The following CNNM2 variants were observed in gnomAD, a reference collection of about 807,000 sequenced individuals.
CNNM2 encodes cyclin and CBS domain divalent metal cation transport mediator 2.
A neutral mutation model predicts 66.9 loss-of-function variants in CNNM2; 12 were observed. The observed-to-expected ratio is 0.18, with a 90% confidence interval of 0.11 to 0.29. The LOEUF (loss-of-function observed/expected upper bound fraction) is 0.29. CNNM2 is among the 10% of genes least tolerant of loss of function. CNNM2 has a pLI of 1.00. For synonymous variants in CNNM2, 557 were observed against 501.8 expected, an observed-to-expected ratio of 1.11 and a Z score of -1.47; for missense variants, 705 against 1,167.7, an observed-to-expected ratio of 0.60 and a Z score of 5.77.
rs371599593 is a variant in CNNM2 at position 102,919,395 on chromosome 10, C to T, written c.915C>T (p.Ile305=). The T allele has an allele frequency of 6.2e-7, 1 of 1,611,674 alleles. No homozygotes were observed. The stretch of plus-strand genomic sequence containing the variant: ...AGGAGAAGAATTACGCCAAGCGCAT[C>T]GAGCCGGTGCGCAGGCAGGGCAACT... ...TEKEKNYAKR[I]EPVRRQGNYL... Residue 305 remains isoleucine (I), a synonymous_variant, in exon 1 of 8, where the codon ATC becomes ATT. Transcript: ENST00000369878.
rs759461748 is a variant in CNNM2 at position 103,077,202 on chromosome 10, C to T, written c.*22C>T. ...CTAGGCCGCGCTGGCTGCACCCGCCCAGGCCCGCACCCGCCCAGTCCCGAG... is the reference window on the plus strand; with the variant it reads ...CTAGGCCGCGCTGGCTGCACCCGCCTAGGCCCGCACCCGCCCAGTCCCGAG... On this transcript the variant is annotated 3_prime_UTR_variant, in exon 8 of 8. Coordinates refer to ENST00000369878, the MANE Select transcript of CNNM2 (RefSeq NM_017649.5). 1 of 1,606,300 alleles carries T rather than the reference C, an allele frequency of 6.2e-7. No homozygotes were observed. The highest frequency in any genetic ancestry group is 1.7e-5 in the Admixed American group (1 of 59,970).
chr10:103,074,285 T>TCAAAA (rs940565214), intron 6 of CNNM2, among the ~76,000 whole-genome samples: 65 of 151,920 alleles, frequency 4.3e-4, no homozygotes, highest in African/African-American at 1.4e-3. Context: ...GGAGACTGTC[T>TCAAAA]CAAAACAAAA....
At chr10:103,009,714 G>GGAGAATA in intron 1 of CNNM2, among the ~76,000 whole-genome samples, 1 of 150,072 alleles carries the variant, frequency 6.7e-6, no homozygotes, top group Non-Finnish European at 1.5e-5. Context: ...TTGGGAGAAT[G>GGAGAATA]GAGAACCAGA....
chr10:103,076,165 C>T lies in CNNM2; in HGVS notation c.2313C>T (p.Val771=). 1 of 1,606,838 alleles carries T rather than the reference C, an allele frequency of 6.2e-7. No homozygotes were observed. The highest frequency in any genetic ancestry group is 8.5e-7 in the Non-Finnish European group (1 of 1,176,770). ...GTCGAAGCGACCGGATTGACGCCGT[C>T]ACACCAACACTGGGGAGCAGCAATA... ...SLSRSDRIDA[V]TPTLGSSNNQ... Residue 771 remains valine (V), a synonymous_variant, in exon 7 of 8, where the codon GTC becomes GTT. Coordinates refer to ENST00000369878, the MANE Select transcript of CNNM2 (RefSeq NM_017649.5).
chr10:103,066,761 G>A (rs2065485404), intron 4 of CNNM2, among the ~76,000 whole-genome samples: 1 of 152,182 alleles, frequency 6.6e-6, no homozygotes, highest in Admixed American at 6.5e-5. Context: ...TGCCATGTGG[G>A]CTGTTGCTTC....
chr10:103,000,516 C>T (rs529007822), intron 1 of CNNM2, among the ~76,000 whole-genome samples: 6 of 152,012 alleles, frequency 3.9e-5, no homozygotes, highest in African/African-American at 1.4e-4. Flanking sequence ...TGCAGTGGTG[C>T]AATCTCGGCT....
At position 103,086,655 on chromosome 10, in the gene CNNM2, GT is replaced by G. The variant is rs1317583885; in HGVS notation, c.*9478del. ...CAACTGCATGTGGCTTTTTAAAGTG[GT>G]TTCTTAACAATGCTAATGTGACTTA... On this transcript the variant is annotated 3_prime_UTR_variant, in exon 8 of 8. Coordinates refer to ENST00000369878, the MANE Select transcript of CNNM2 (RefSeq NM_017649.5). 6.6e-6 allele frequency: 1 copy of G among 152,182 alleles called. No homozygotes were observed. The highest frequency in any genetic ancestry group is 2.4e-5 in the African/African-American group (1 of 41,442). The allele number at this position is 152,182 out of a possible 1,614,324, so 9.4% of individuals were successfully genotyped here.
At chr10:102,957,970 CTT>C (rs1847107306) in intron 1 of CNNM2, among the ~76,000 whole-genome samples, 1 of 152,110 alleles carries the variant, frequency 6.6e-6, no homozygotes, top group African/African-American at 2.4e-5. Context: ...GAGTTTTGCT[CTT>C]GTCGCCCAGG....
intron 1 of CNNM2, among the ~76,000 whole-genome samples, chr10:103,021,087 A>T (rs1205574135): frequency 6.6e-6 from 1 of 152,184 alleles, no homozygotes; most frequent in African/African-American, 2.4e-5. Flanking sequence ...GAAACTATGC[A>T]GAATATCCTG....
At chr10:102,961,223 G>A (rs573674401) in intron 1 of CNNM2, among the ~76,000 whole-genome samples, 15 of 152,230 alleles carry the variant, frequency 9.9e-5, no homozygotes, top group African/African-American at 3.4e-4. Flanking sequence ...CCATCAGATG[G>A]ATCTTACCTC....
chr10:102,981,549 C>A (rs1364676803), intron 1 of CNNM2, among the ~76,000 whole-genome samples: 1 of 151,664 alleles, frequency 6.6e-6, no homozygotes, highest in Non-Finnish European at 1.5e-5. Flanking sequence ...TGCCACCACA[C>A]CCGGCTAACT....
intron 1 of CNNM2, among the ~76,000 whole-genome samples, chr10:102,932,436 T>C (rs1391490268): frequency 1.3e-5 from 2 of 152,216 alleles, no homozygotes; most frequent in Non-Finnish European, 2.9e-5. Flanking sequence ...TTTATGCCTA[T>C]GTTTTCTTCT....
chr10:103,016,275 C>G (rs1472250082), intron 1 of CNNM2, among the ~76,000 whole-genome samples: 1 of 152,110 alleles, frequency 6.6e-6, no homozygotes, highest in African/African-American at 2.4e-5. Context: ...ATACGGTTCT[C>G]TAGTGACAAA....
chr10:102,946,396 T>C (rs1049370544), intron 1 of CNNM2, among the ~76,000 whole-genome samples: 3 of 152,156 alleles, frequency 2.0e-5, no homozygotes, highest in African/African-American at 7.2e-5. Flanking sequence ...TCTTGTGATA[T>C]ATTGATTGTT....
intron 1 of CNNM2, among the ~76,000 whole-genome samples, chr10:102,999,196 G>C (rs1052087311): frequency 6.7e-6 from 1 of 150,364 alleles, no homozygotes. Context: ...TCAGCCTCCC[G>C]AGTAGCTGGG....
chr10:103,003,380 C>G (rs1298481974), intron 1 of CNNM2, among the ~76,000 whole-genome samples: 1 of 152,124 alleles, frequency 6.6e-6, no homozygotes, highest in African/African-American at 2.4e-5. Context: ...TCCCAAAGTA[C>G]TGGGATTACA....
intron 1 of CNNM2, among the ~76,000 whole-genome samples, chr10:103,029,451 A>G (rs2064779062): frequency 6.6e-6 from 1 of 152,020 alleles, no homozygotes. Flanking sequence ...GTGACAGAGC[A>G]AAACTCCGTC....
chr10:102,971,392 A>G (rs1479064375), intron 1 of CNNM2, among the ~76,000 whole-genome samples: 2 of 152,254 alleles, frequency 1.3e-5, no homozygotes, highest in East Asian at 3.9e-4. Flanking sequence ...TGTAACATAG[A>G]TAATTTTGTT....
rs751242496 is a variant in CNNM2 at position 102,918,431 on chromosome 10, C to T, written c.-50C>T. ...TCTCGCCCAGGGGCCGGTACCTGCG[C>T]TCGCGCCGCCGGGTTGAAAGGATGA... On this transcript the variant is annotated 5_prime_UTR_variant, in exon 1 of 8. Coordinates refer to ENST00000369878, the MANE Select transcript of CNNM2 (RefSeq NM_017649.5). The surrounding 1 kb of genome is among the most constrained non-coding windows in gnomAD (Gnocchi z 4.1). 2 of 1,571,690 alleles carry T rather than the reference C, an allele frequency of 1.3e-6. No individual in the cohort carries two copies. The highest frequency in any genetic ancestry group is 2.3e-5 in the South Asian group (2 of 86,524).
Sources: gnomAD v4.1 joint callset for allele counts (sites outside exome capture counted in the v4.1 genomes callset) on GRCh38, gnomAD v4.1.1 for gene constraint, Gnocchi (gnomAD v3.1) non-coding constraint, MANE v1.5 for transcripts, NCBI Gene and HGNC (gene_info 2026-07-23, HGNC 2026-07-21) for gene names.